Variants in CCDC60 observed in about 807,000 individuals in gnomAD.
CCDC60 encodes the protein coiled-coil domain-containing protein 60.
In CCDC60, 54 loss-of-function variants were observed where a neutral mutation model predicts 63.5. The observed-to-expected ratio is 0.85, with a 90% confidence interval of 0.68 to 1.07. The LOEUF (loss-of-function observed/expected upper bound fraction) is 1.07. CCDC60 is among the 50% of genes least tolerant of loss of function. The probability of loss-of-function intolerance (pLI) is 0.00; values close to 1 mark genes in which losing one functional copy is unlikely to be tolerated. For missense variants in CCDC60, 651 were observed against 684.3 expected, an observed-to-expected ratio of 0.95 and a Z score of 0.54; for synonymous variants, 206 against 238.8, an observed-to-expected ratio of 0.86 and a Z score of 1.27.
At chr12:119,380,464 C>T (rs572182634) in intron 1 of CCDC60, among the ~76,000 whole-genome samples, 51 of 152,256 alleles carry the variant, frequency 3.3e-4, no homozygotes, top group African/African-American at 1.1e-3. Flanking sequence ...ATAGTGAGAA[C>T]CTGACGTCGT....
intron 1 of CCDC60, among the ~76,000 whole-genome samples, chr12:119,366,618 A>G (rs1202848290): frequency 2.6e-5 from 4 of 152,306 alleles, no homozygotes; most frequent in African/African-American, 9.6e-5. Flanking sequence ...TGAGAAAATC[A>G]AGTAGCAAGA....
At chr12:119,396,543 G>A (rs752846932) in intron 1 of CCDC60, among the ~76,000 whole-genome samples, 4 of 152,116 alleles carry the variant, frequency 2.6e-5, no homozygotes, top group African/African-American at 7.2e-5. Context: ...CCAGAAAGAA[G>A]GGGGTCATAA....
At chr12:119,377,281 A>G (rs1024298136) in intron 1 of CCDC60, among the ~76,000 whole-genome samples, 7 of 108,806 alleles carry the variant, frequency 6.4e-5, no homozygotes, top group African/African-American at 2.1e-4. Context: ...AAAAAAAAAG[A>G]AAAAGAAAGA....
At chr12:119,372,131 G>A (rs948489943) in intron 1 of CCDC60, among the ~76,000 whole-genome samples, 7 of 152,100 alleles carry the variant, frequency 4.6e-5, no homozygotes, top group Non-Finnish European at 2.9e-5. Context: ...ATGGTGGATC[G>A]TGCCTGAATT....
At chr12:119,480,926 TCAC>T (rs1171686752) in intron 4 of CCDC60, among the ~76,000 whole-genome samples, 1 of 146,262 alleles carries the variant, frequency 6.8e-6, no homozygotes, top group Non-Finnish European at 1.5e-5. Flanking sequence ...ACCATCATCA[TCAC>T]CATCATCATC....
chr12:119,407,046 G>A (rs565880769), intron 1 of CCDC60, among the ~76,000 whole-genome samples: 8 of 152,160 alleles, frequency 5.3e-5, no homozygotes, highest in Non-Finnish European at 1.2e-4. Context: ...TCACCACAAT[G>A]CCAGTGGGGT....
chr12:119,388,513 T>C (rs1956098272), intron 1 of CCDC60, among the ~76,000 whole-genome samples: 1 of 152,228 alleles, frequency 6.6e-6, no homozygotes, highest in South Asian at 2.1e-4. Context: ...GTTGTTTTCT[T>C]GTACCTACCT....
chr12:119,338,711 G>A (rs1282062619), intron 1 of CCDC60, among the ~76,000 whole-genome samples: 2 of 152,186 alleles, frequency 1.3e-5, no homozygotes, highest in African/African-American at 4.8e-5. Flanking sequence ...AGGAGGAAAG[G>A]GAACGACACC....
At chr12:119,477,560 G>T (rs558779753) in intron 3 of CCDC60, among the ~76,000 whole-genome samples, 48 of 152,356 alleles carry the variant, frequency 3.2e-4, no homozygotes, top group African/African-American at 9.9e-4. Context: ...GCTCAGAGAA[G>T]AGGTTCAATA....
chr12:119,359,954 C>A (rs1357339011), intron 1 of CCDC60, among the ~76,000 whole-genome samples: 1 of 152,120 alleles, frequency 6.6e-6, no homozygotes, highest in African/African-American at 2.4e-5. Flanking sequence ...GACACGGCAA[C>A]CATCCCATTT....
Position 119,450,355 on chromosome 12 carries a change from T to TA in CCDC60, c.170+21594dup, listed in dbSNP as rs1243473014. Among the ~76,000 whole-genome samples, 7 of 152,276 alleles carry TA rather than the reference T, an allele frequency of 4.6e-5. No homozygotes were observed. In the East Asian group the frequency reaches 7.7e-4, roughly 17 times the overall value. ...ACATTAAAAGCACAGACTTCATTGA[T>TA]ATATATGCAATACACCCATGTAACA... On this transcript the variant is annotated intron_variant, in intron 2 of 13. Coordinates refer to ENST00000327554, the MANE Select transcript of CCDC60 (RefSeq NM_178499.5).
At chr12:119,528,865 T>C in intron 12 of CCDC60, 119 bp downstream of exon 12, 2 of 1,013,818 alleles carry the variant, frequency 2.0e-6, no homozygotes, top group East Asian at 2.8e-5. Context: ...TCCAAAACTG[T>C]CATTGGCCAT....
intron 2 of CCDC60, among the ~76,000 whole-genome samples, chr12:119,461,181 C>T (rs1259782794): frequency 6.6e-6 from 1 of 152,146 alleles, no homozygotes; most frequent in South Asian, 2.1e-4. Flanking sequence ...CGATAACAAC[C>T]GCTTCCCATT....
intron 1 of CCDC60, among the ~76,000 whole-genome samples, chr12:119,374,723 T>A (rs1955933660): frequency 6.6e-6 from 1 of 152,188 alleles, no homozygotes; most frequent in South Asian, 2.1e-4. Flanking sequence ...TTATAGTTAG[T>A]TCTTGATTAT....
At chr12:119,519,463 ATATAT>A (rs1952450956) in intron 8 of CCDC60, among the ~76,000 whole-genome samples, 1 of 124,494 alleles carries the variant, frequency 8.0e-6, no homozygotes, top group African/African-American at 3.5e-5. Context: ...ATATATATAT[ATATAT>A]TTTTTTTTTT....
chr12:119,334,921 T>C lies in CCDC60; in HGVS notation c.-256T>C. Reference sequence around the variant, plus strand: ...CGAAGAGGAGGAAGCTTACAGAAGTTTATAACCTTTCAAAAAGTAAATAAG... The same window carrying C: ...CGAAGAGGAGGAAGCTTACAGAAGTCTATAACCTTTCAAAAAGTAAATAAG... On this transcript the variant is annotated 5_prime_UTR_variant, in exon 1 of 14. Coordinates refer to ENST00000327554, the MANE Select transcript of CCDC60 (RefSeq NM_178499.5). 2.7e-6 allele frequency: 1 copy of C among 364,092 alleles called. No homozygotes were observed. Among genetic ancestry groups the C allele is most frequent in the Non-Finnish European group, 4.9e-6 (1 of 204,660 alleles). 22.6% of individuals were successfully genotyped at this position (364,092 alleles called of 1,614,324 possible).
chr12:119,534,956 CT>C (rs1372744704), intron 13 of CCDC60, among the ~76,000 whole-genome samples: 11 of 152,286 alleles, frequency 7.2e-5, no homozygotes. Flanking sequence ...AGGATTCCCT[CT>C]TTTTCTATTG....
intron 1 of CCDC60, among the ~76,000 whole-genome samples, chr12:119,356,124 A>C (rs935895741): frequency 2.6e-5 from 4 of 152,200 alleles, no homozygotes; most frequent in Non-Finnish European, 5.9e-5. Context: ...ACTTGCTCTA[A>C]ACAGTACAAA....
chr12:119,348,333 C>A (rs1955618699), intron 1 of CCDC60, among the ~76,000 whole-genome samples: 1 of 152,126 alleles, frequency 6.6e-6, no homozygotes, highest in Non-Finnish European at 1.5e-5. Flanking sequence ...CCTAACTAGC[C>A]TCCTCACCTT....
Sources: allele counts gnomAD v4.1 joint callset (sites outside exome capture counted in the v4.1 genomes callset), GRCh38; gene constraint gnomAD v4.1.1; transcripts MANE v1.5; gene names NCBI Gene and HGNC (gene_info 2026-07-23, HGNC 2026-07-21).